Variants in SMAD3 observed in about 807,000 individuals in gnomAD.
SMAD3 encodes SMAD family member 3, also known as MAD homolog 3.
Under a neutral mutation model 51.8 loss-of-function variants are expected in SMAD3, and 12 were observed. The observed-to-expected ratio is 0.23, with a 90% confidence interval of 0.15 to 0.38. The LOEUF (loss-of-function observed/expected upper bound fraction) is 0.38. Among genes scored for constraint, SMAD3 ranks in the 10% least tolerant of loss-of-function variants. The probability of loss-of-function intolerance (pLI) is 1.00; values close to 1 mark genes in which losing one functional copy is unlikely to be tolerated. For missense variants in SMAD3, 294 were observed against 565.6 expected (o/e 0.52, Z 4.87); for synonymous variants, 238 against 227.7 (o/e 1.05, Z -0.41).
intron 4 of SMAD3, among the ~76,000 whole-genome samples, chr15:67,170,031 T>C (rs1962703052): frequency 6.6e-6 from 1 of 152,164 alleles, no homozygotes; most frequent in African/African-American, 2.4e-5. Flanking sequence ...AATTGATCTT[T>C]CCAGCACCTG....
intron 1 of SMAD3, among the ~76,000 whole-genome samples, chr15:67,162,631 C>T (rs1383491114): frequency 6.6e-6 from 1 of 152,132 alleles, no homozygotes; most frequent in Non-Finnish European, 1.5e-5. Flanking sequence ...TCCCCGGCCT[C>T]GTCTCAAGCC....
intron 1 of SMAD3, among the ~76,000 whole-genome samples, chr15:67,109,546 G>A (rs1390898459): frequency 1.3e-5 from 2 of 152,172 alleles, no homozygotes; most frequent in Admixed American, 1.3e-4. Flanking sequence ...GCATTCTAGT[G>A]GGTGGAATGC....
intron 6 of SMAD3, among the ~76,000 whole-genome samples, chr15:67,182,641 T>C (rs1228694265): frequency 1.3e-5 from 2 of 151,328 alleles, no homozygotes; most frequent in African/African-American, 2.4e-5. Context: ...TTGGAGGCCA[T>C]GGGCCTAGGT....
At chr15:67,152,303 TTTC>T (rs1392754621) in intron 1 of SMAD3, among the ~76,000 whole-genome samples, 1 of 152,212 alleles carries the variant, frequency 6.6e-6, no homozygotes, top group East Asian at 1.9e-4. Flanking sequence ...TATGGGTTAT[TTTC>T]TTCTCCCTCA....
chr15:67,075,421 A>G (rs1226472474), intron 1 of SMAD3, among the ~76,000 whole-genome samples: 1 of 152,194 alleles, frequency 6.6e-6, no homozygotes, highest in Non-Finnish European at 1.5e-5. Flanking sequence ...GGTTCTTCAC[A>G]TATTACCTGG....
intron 4 of SMAD3, among the ~76,000 whole-genome samples, chr15:67,170,298 T>G (rs896946934): frequency 1.4e-4 from 22 of 152,224 alleles, no homozygotes; most frequent in Non-Finnish European, 5.9e-5. Context: ...TAAAACTATC[T>G]GAGACCTCTG....
chr15:67,177,247 TG>T (rs1203388747), intron 5 of SMAD3, among the ~76,000 whole-genome samples: 2 of 152,128 alleles, frequency 1.3e-5, no homozygotes, highest in Admixed American at 6.5e-5. Context: ...GTTCCCTTTT[TG>T]TCTTGTCTAC....
chr15:67,089,253 C>T (rs1316993341), intron 1 of SMAD3, among the ~76,000 whole-genome samples: 2 of 152,162 alleles, frequency 1.3e-5, no homozygotes, highest in Non-Finnish European at 2.9e-5. Flanking sequence ...TGCCAGATGA[C>T]CCTTGCTACT....
rs1046397750 is a variant in SMAD3, at chr15:67,066,366, G to C, written c.206+6G>C. 6.2e-7 allele frequency: 1 copy of C among 1,610,416 alleles called. No homozygotes were observed. The highest frequency in any genetic ancestry group is 1.7e-5 in the Admixed American group (1 of 59,866). ...AAGTGCATCACCATCCCCAGGTGGG[G>C]GCCCGCCCGGGGGGGACCCGGGGTC... On this transcript the variant is annotated splice_donor_region_variant and intron_variant, in intron 1 of 8. Coordinates refer to ENST00000327367, the MANE Select transcript of SMAD3 (RefSeq NM_005902.4).
At chr15:67,098,802 T>C in intron 1 of SMAD3, 1 of 687,190 alleles carries the variant, frequency 1.5e-6, no homozygotes, top group Non-Finnish European at 2.7e-6. Flanking sequence ...GTCCTACGCA[T>C]CCCCAGCGGG....
At chr15:67,151,338 A>G (rs1430889976) in intron 1 of SMAD3, among the ~76,000 whole-genome samples, 2 of 149,740 alleles carry the variant, frequency 1.3e-5, no homozygotes, top group African/African-American at 4.9e-5. Context: ...TTATTTATTT[A>G]TTTATTTATT....
Position 67,191,214 on chromosome 15 carries a change from C to T in SMAD3, c.*678C>T, listed in dbSNP as rs886051388. ...CAGCGGGAAAAATCGATGAGCGCCA[C>T]CTCTTTAAAAACTCACTTACGTTTG... On this transcript the variant is annotated 3_prime_UTR_variant, in exon 9 of 9. Coordinates refer to ENST00000327367, the MANE Select transcript of SMAD3 (RefSeq NM_005902.4). 3 of 233,634 alleles carry T rather than the reference C, an allele frequency of 1.3e-5. No individual in the cohort carries two copies. The highest frequency in any genetic ancestry group is 2.5e-5 in the Non-Finnish European group (3 of 118,346). The allele number at this position is 233,634 out of a possible 1,614,324, so 14.5% of individuals were successfully genotyped here. A position where few individuals can be genotyped will look rare whatever the true frequency, so the allele number is the denominator to read the frequency against.
intron 1 of SMAD3, among the ~76,000 whole-genome samples, chr15:67,128,975 C>T (rs1056239550): frequency 6.6e-6 from 1 of 152,154 alleles, no homozygotes; most frequent in Admixed American, 6.5e-5. Flanking sequence ...ATGTCATTTG[C>T]GTTTTACAGA....
rs148900142 is a variant in SMAD3 at position 67,107,263 on chromosome 15, A to G, written c.206+40903A>G. Among the ~76,000 whole-genome samples, 81 of 152,336 alleles carry G rather than the reference A, an allele frequency of 5.3e-4. 1 individual carries two copies. Among genetic ancestry groups the G allele is most frequent in the Admixed American group, 9.8e-4 (15 of 15,304 alleles). ...ATGACAAATGGTGGGAATTTCAGGCACAGTGACTGTGATAGCCCCAAGGAA... is the reference window on the plus strand; with the variant it reads ...ATGACAAATGGTGGGAATTTCAGGCGCAGTGACTGTGATAGCCCCAAGGAA... On this transcript the variant is annotated intron_variant, in intron 1 of 8. Transcript: ENST00000327367.
intron 1 of SMAD3, among the ~76,000 whole-genome samples, chr15:67,081,688 A>G (rs1960282616): frequency 6.6e-6 from 1 of 152,170 alleles, no homozygotes; most frequent in African/African-American, 2.4e-5. Flanking sequence ...CAACTGTTGC[A>G]GATATTACCG....
chr15:67,192,723 C>T lies in SMAD3; in HGVS notation c.*2187C>T, dbSNP rs1314190806. The T allele has an allele frequency of 1.3e-5, 3 of 232,546 alleles. No individual in the cohort carries two copies. The highest frequency in any genetic ancestry group is 2.5e-5 in the Non-Finnish European group (3 of 117,784). The allele number at this position is 232,546 out of a possible 1,614,324, so 14.4% of individuals were successfully genotyped here. On this transcript the variant is annotated 3_prime_UTR_variant, in exon 9 of 9. Coordinates refer to ENST00000327367, the MANE Select transcript of SMAD3 (RefSeq NM_005902.4). ...CAGGCACAGCCTGATTCTGGTGATC[C>T]AGTGATCTATGGAAGTCGTGTCTTA... is the stretch of plus-strand genomic sequence containing the variant.
chr15:67,150,147 C>T (rs1962088409), intron 1 of SMAD3, among the ~76,000 whole-genome samples: 1 of 152,190 alleles, frequency 6.6e-6, no homozygotes. Flanking sequence ...CTGGAGTGAG[C>T]GCTTGTCCTG....
intron 8 of SMAD3, 117 bp downstream of exon 8, chr15:67,187,626 A>G (rs1392572269): frequency 1.5e-6 from 2 of 1,343,150 alleles, no homozygotes; most frequent in African/African-American, 2.9e-5. Context: ...GAGCAGAAAG[A>G]CCAAAGATCA....
Position 67,065,796 on chromosome 15 carries a change from G to A in SMAD3, c.-359G>A, listed in dbSNP as rs1419941418. 4 of 205,198 alleles carry A rather than the reference G, an allele frequency of 1.9e-5. No individual in the cohort carries two copies. Among genetic ancestry groups the A allele is most frequent in the Admixed American group, 6.0e-5 (1 of 16,758 alleles). 12.7% of individuals were successfully genotyped at this position (205,198 alleles called of 1,614,324 possible). Reference sequence around the variant, plus strand: ...CGGGGGTTGGACTTTCCTTCCCGGAGGCGGCACCCAAACAGCTACCCCGTG... The same window carrying A: ...CGGGGGTTGGACTTTCCTTCCCGGAAGCGGCACCCAAACAGCTACCCCGTG... On this transcript the variant is annotated 5_prime_UTR_variant, in exon 1 of 9. Transcript: ENST00000327367.
Sources: gnomAD v4.1 joint callset for allele counts (sites outside exome capture counted in the v4.1 genomes callset) on GRCh38, gnomAD v4.1.1 for gene constraint, MANE v1.5 for transcripts, NCBI Gene and HGNC (gene_info 2026-07-23, HGNC 2026-07-21) for gene names.